Variants in C9orf85 observed in about 807,000 individuals in gnomAD.
C9orf85 encodes the protein chromosome 9 open reading frame 85, also known as uncharacterized protein C9orf85.
C9orf85 carries 16 observed loss-of-function variants against 14.9 expected under a neutral mutation model. That is an observed-to-expected ratio of 1.08 (90% CI 0.73 to 1.63). The LOEUF (loss-of-function observed/expected upper bound fraction) is 1.63, where lower values mean the gene tolerates loss of function less well. Among genes scored for constraint, C9orf85 ranks in the 40% most tolerant of loss-of-function variants. The probability of loss-of-function intolerance (pLI) is 0.00; values close to 1 mark genes in which losing one functional copy is unlikely to be tolerated. For missense variants in C9orf85, 172 were observed against 186.1 expected (o/e 0.92, Z 0.44); for synonymous variants, 45 against 56.8 (o/e 0.79, Z 0.93).
At chr9:71,930,790 C>G (rs142211336) in intron 1 of C9orf85, among the ~76,000 whole-genome samples, 134 of 120,118 alleles carry the variant, frequency 1.1e-3, no homozygotes, top group African/African-American at 4.2e-3. Context: ...GGTGACAGAG[C>G]AAGACCCTGT....
chr9:71,937,009 T>C (rs1024407875), intron 1 of C9orf85, among the ~76,000 whole-genome samples: 4 of 152,144 alleles, frequency 2.6e-5, no homozygotes, highest in African/African-American at 7.2e-5. Context: ...TCCTCCCATC[T>C]CGGCTTCCCA....
intron 2 of C9orf85, among the ~76,000 whole-genome samples, chr9:71,963,573 G>A (rs1470764509): frequency 6.6e-6 from 1 of 152,230 alleles, no homozygotes; most frequent in Non-Finnish European, 1.5e-5. Context: ...GGCTGCGCGA[G>A]GCGCTTGCGG....
At chr9:71,917,126 G>A (rs1273992719) in intron 1 of C9orf85, among the ~76,000 whole-genome samples, 1 of 152,208 alleles carries the variant, frequency 6.6e-6, no homozygotes, top group Non-Finnish European at 1.5e-5. Context: ...AGCCCTCCAT[G>A]TGTATGTGTG....
intron 2 of C9orf85, among the ~76,000 whole-genome samples, chr9:71,950,971 G>T (rs4745138): frequency 2.0e-5 from 3 of 152,128 alleles, no homozygotes; most frequent in African/African-American, 7.2e-5. Flanking sequence ...CCATTTGTTC[G>T]TGCGATCCAA....
chr9:71,971,568 T>G lies in C9orf85; in HGVS notation c.273T>G (p.Cys91Trp). 6.2e-7 allele frequency: 1 copy of G among 1,613,652 alleles called. No homozygotes were observed. Among genetic ancestry groups the G allele is most frequent in the Non-Finnish European group, 8.5e-7 (1 of 1,179,770 alleles). The change falls in exon 3 of 4, where the codon TGT becomes TGG. Residue 91 changes from cysteine to tryptophan, a missense_variant. By Grantham distance (215) the Cys-to-Trp change is radical. Transcript: ENST00000334731. Reference sequence around the variant, plus strand: ...ACATAATGTGCAGGCCATGTGCCTGTGAACTTGAAGTTTGCGCAAAATGTG... The same window carrying G: ...ACATAATGTGCAGGCCATGTGCCTGGGAACTTGAAGTTTGCGCAAAATGTG... ...SYHIMCRPCA[C>W]ELEVCAKCGK...
At position 71,973,192 on chromosome 9, in the gene C9orf85, C is replaced by T. The variant is rs1405745066; in HGVS notation, c.*350C>T. 6.5e-6 allele frequency: 1 copy of T among 152,894 alleles called. No individual in the cohort carries two copies. Among genetic ancestry groups the T allele is most frequent in the Non-Finnish European group, 1.5e-5 (1 of 68,536 alleles). 9.5% of individuals were successfully genotyped at this position (152,894 alleles called of 1,614,324 possible). A position where few individuals can be genotyped will look rare whatever the true frequency, so the allele number is the denominator to read the frequency against. On this transcript the variant is annotated 3_prime_UTR_variant, in exon 4 of 4. Transcript: ENST00000334731. ...AATTTAGAATGTGAAATTCTGACCA[C>T]CTTTTGGCTTTGAGTATTTTCCAAA...
intron 2 of C9orf85, among the ~76,000 whole-genome samples, chr9:71,957,918 A>C (rs1264813235): frequency 6.6e-6 from 1 of 152,204 alleles, no homozygotes; most frequent in Non-Finnish European, 1.5e-5. Context: ...GGGATGTAGA[A>C]GTAGCTTTGG....
At chr9:71,937,328 T>C (rs1451664427) in intron 1 of C9orf85, among the ~76,000 whole-genome samples, 2 of 152,172 alleles carry the variant, frequency 1.3e-5, no homozygotes, top group African/African-American at 4.8e-5. Context: ...GGTAGTTTGC[T>C]TGGTTGCTGA....
At chr9:71,912,142 A>AG (rs1283976010) in intron 1 of C9orf85, among the ~76,000 whole-genome samples, 2 of 152,192 alleles carry the variant, frequency 1.3e-5, no homozygotes, top group Non-Finnish European at 2.9e-5. Flanking sequence ...TCTGGATCAC[A>AG]TTAGCAGAGG....
intron 1 of C9orf85, among the ~76,000 whole-genome samples, chr9:71,927,921 C>T (rs1357592678): frequency 6.6e-6 from 1 of 152,166 alleles, no homozygotes; most frequent in African/African-American, 2.4e-5. Context: ...CACAGTGGCT[C>T]ATGCCTGTAA....
downstream of C9orf85, among the ~76,000 whole-genome samples, chr9:71,976,309 A>G (rs912345085): frequency 1.3e-5 from 2 of 152,218 alleles, no homozygotes; most frequent in African/African-American, 4.8e-5. Context: ...CTGAAATATT[A>G]CAGTGCTTTA....
chr9:71,971,411 T>C (rs1822858712), intron 2 of C9orf85, 94 bp from the exon 3 acceptor site: 2 of 618,114 alleles, frequency 3.2e-6, no homozygotes, highest in Non-Finnish European at 5.0e-6. Flanking sequence ...TTTTGATTTC[T>C]TAGGCTTTTT....
At chr9:71,942,125 A>G (rs768319648) in intron 1 of C9orf85, among the ~76,000 whole-genome samples, 13 of 152,232 alleles carry the variant, frequency 8.5e-5, no homozygotes, top group Non-Finnish European at 1.6e-4. Flanking sequence ...TCCTATGACT[A>G]TCAGGGATCT....
chr9:71,961,686 T>C (rs1159404421), intron 2 of C9orf85, among the ~76,000 whole-genome samples: 1 of 152,210 alleles, frequency 6.6e-6, no homozygotes. Context: ...GGCTGTATTG[T>C]CGTTTGTTGC....
rs539817484 is a variant in C9orf85 at position 71,926,108 on chromosome 9, C to T, written c.102+14272C>T. Among the ~76,000 whole-genome samples the T allele has an allele frequency of 1.2e-4, 18 of 152,322 alleles. No homozygotes were observed. The East Asian group carries it at 3.1e-3, about 26-fold the overall frequency. On this transcript the variant is annotated intron_variant, in intron 1 of 3. Transcript: ENST00000334731. ...CCATAGCTCTTAATTTTTAGTCTGT[C>T]AACAGAGCCAGGGATTGTATAATTA... is the stretch of plus-strand genomic sequence containing the variant.
chr9:71,937,004 C>G (rs531734351), intron 1 of C9orf85, among the ~76,000 whole-genome samples: 2 of 152,246 alleles, frequency 1.3e-5, no homozygotes, highest in East Asian at 3.9e-4. Flanking sequence ...AGTGATCCTC[C>G]CATCTCGGCT....
At chr9:71,922,292 A>G (rs939643765) in intron 1 of C9orf85, among the ~76,000 whole-genome samples, 20 of 151,966 alleles carry the variant, frequency 1.3e-4, no homozygotes, top group Admixed American at 1.2e-3. Context: ...ACTTTTCCCT[A>G]TTTGGTTTGT....
intron 1 of C9orf85, among the ~76,000 whole-genome samples, chr9:71,931,322 G>A (rs975312890): frequency 1.3e-4 from 20 of 152,140 alleles, no homozygotes; most frequent in African/African-American, 4.3e-4. Flanking sequence ...GACTGTTTCT[G>A]CGTATGCTAG....
chr9:71,982,829 T>C, exon 4 of C9orf85: 1 of 311,208 alleles, frequency 3.2e-6, no homozygotes, highest in Non-Finnish European at 6.2e-6. Flanking sequence ...AGAGATGGGG[T>C]TTCACTATGT....
Sources: allele counts gnomAD v4.1 joint callset (sites outside exome capture counted in the v4.1 genomes callset), GRCh38; gene constraint gnomAD v4.1.1; transcripts MANE v1.5; gene names NCBI Gene and HGNC (gene_info 2026-07-23, HGNC 2026-07-21).